Variants in OXCT1 observed in about 807,000 individuals in gnomAD.
The protein encoded by OXCT1 is 3-oxoacid CoA-transferase 1, also known as succinyl-CoA:3-ketoacid coenzyme A transferase 1, mitochondrial.
OXCT1 carries 27 observed loss-of-function variants against 69.6 expected under a neutral mutation model. That is an observed-to-expected ratio of 0.39 (90% CI 0.29 to 0.54). The LOEUF (loss-of-function observed/expected upper bound fraction) is 0.54. Ranked by LOEUF, OXCT1 falls within the 20% of genes least tolerant of loss-of-function variation. The probability of loss-of-function intolerance (pLI) is 0.72; values close to 1 mark genes in which losing one functional copy is unlikely to be tolerated. For missense variants in OXCT1, 437 were observed against 650.2 expected (o/e 0.67, Z 3.57); for synonymous variants, 202 against 217.8 (o/e 0.93, Z 0.64).
intron 1 of OXCT1, among the ~76,000 whole-genome samples, chr5:41,864,388 T>C (rs1483909383): frequency 2.0e-5 from 3 of 152,162 alleles, no homozygotes; most frequent in Admixed American, 6.5e-5. Flanking sequence ...CCTAAAAATA[T>C]GCCAGCACAC....
At chr5:41,738,283 T>G (rs1455319910) in intron 16 of OXCT1, among the ~76,000 whole-genome samples, 1 of 152,230 alleles carries the variant, frequency 6.6e-6, no homozygotes, top group African/African-American at 2.4e-5. Context: ...TGATATGGTT[T>G]GGCTGTGTCC....
At chr5:41,868,830 T>C (rs957489458) in intron 1 of OXCT1, among the ~76,000 whole-genome samples, 2 of 152,204 alleles carry the variant, frequency 1.3e-5, no homozygotes, top group Non-Finnish European at 2.9e-5. Context: ...GTTTGAACTC[T>C]GTATGAACTT....
At chr5:41,740,241 AAAG>A (rs1430756689) in intron 15 of OXCT1, among the ~76,000 whole-genome samples, 1 of 152,226 alleles carries the variant, frequency 6.6e-6, no homozygotes, top group Non-Finnish European at 1.5e-5. Context: ...GATATTGGGT[AAAG>A]AATTACAGGA....
chr5:41,817,603 C>T (rs1010556514), intron 7 of OXCT1, among the ~76,000 whole-genome samples: 1 of 152,188 alleles, frequency 6.6e-6, no homozygotes, highest in Non-Finnish European at 1.5e-5. Flanking sequence ...ATCTTCAATA[C>T]CCCTCTGTAC....
In OXCT1 at chr5:41,731,738, G is replaced by A. The variant is rs765332331; in HGVS notation, c.1554C>T (p.Ile518=). The A allele has an allele frequency of 8.7e-6, 14 of 1,609,026 alleles. No individual in the cohort carries two copies. Among genetic ancestry groups the A allele is most frequent in the Admixed American group, 8.4e-5 (5 of 59,532 alleles). ...VSPKLMPMQQ[I]AN The stretch of plus-strand genomic sequence containing the variant: ...TACAAATATCCATATTTCAATTTGC[G>A]ATCTGCTGCATTGGCATGAGTTTTG... The change falls in exon 17 of 17, where the codon ATC becomes ATT. Residue 518 remains isoleucine (I), a synonymous_variant. Transcript: ENST00000196371.
chr5:41,739,079 A>G (rs1168220339), intron 16 of OXCT1, among the ~76,000 whole-genome samples: 1 of 152,246 alleles, frequency 6.6e-6, no homozygotes, highest in Non-Finnish European at 1.5e-5. Flanking sequence ...ATATAACCAA[A>G]GAACAGGGGA....
intron 13 of OXCT1, among the ~76,000 whole-genome samples, chr5:41,779,157 G>C (rs979532139): frequency 2.6e-5 from 4 of 152,024 alleles, no homozygotes; most frequent in African/African-American, 9.7e-5. Flanking sequence ...CTCAAATATC[G>C]ATTTTTTTCT....
rs1393316448 is a variant in OXCT1 at position 41,730,700 on chromosome 5, A to T, written c.*1029T>A. On this transcript the variant is annotated 3_prime_UTR_variant, in exon 17 of 17. Transcript: ENST00000196371. ...ACCATGTTTATTCCCTGACACTAAA[A>T]GTTCACTGACTCTTCAAATCCTAGA... The T allele has an allele frequency of 6.6e-6, 1 of 152,174 alleles. No homozygotes were observed. Among genetic ancestry groups the T allele is most frequent in the African/African-American group, 2.4e-5 (1 of 41,444 alleles). The allele number at this position is 152,174 out of a possible 1,614,324, so 9.4% of individuals were successfully genotyped here.
chr5:41,759,102 A>AC (rs1405228164), intron 14 of OXCT1, among the ~76,000 whole-genome samples: 320 of 151,874 alleles, frequency 2.1e-3, no homozygotes, highest in African/African-American at 7.3e-3. Flanking sequence ...AAAAAAAAAA[A>AC]AAAAACCTGA....
intron 13 of OXCT1, among the ~76,000 whole-genome samples, chr5:41,791,226 G>A (rs968914282): frequency 1.3e-5 from 2 of 151,974 alleles, no homozygotes; most frequent in African/African-American, 4.8e-5. Context: ...AGTTATGAAA[G>A]CAACAAAAAA....
chr5:41,735,507 T>C (rs541170513), intron 16 of OXCT1, among the ~76,000 whole-genome samples: 15 of 152,360 alleles, frequency 9.8e-5, no homozygotes, highest in African/African-American at 3.6e-4. Flanking sequence ...ATCTGTTGTA[T>C]AACAATGTGA....
chr5:41,867,181 G>A (rs1271149828), intron 1 of OXCT1, among the ~76,000 whole-genome samples: 2 of 152,116 alleles, frequency 1.3e-5, no homozygotes, highest in African/African-American at 2.4e-5. Flanking sequence ...ATTCCATGAC[G>A]AAGGGACAGC....
At chr5:41,831,868 C>CT (rs1288277831) in intron 7 of OXCT1, among the ~76,000 whole-genome samples, 6 of 152,166 alleles carry the variant, frequency 3.9e-5, no homozygotes, top group Non-Finnish European at 8.8e-5. Flanking sequence ...ACACTGCAAT[C>CT]TTTACCTTTC....
At chr5:41,741,928 A>G (rs1033083059) in intron 15 of OXCT1, among the ~76,000 whole-genome samples, 1 of 152,230 alleles carries the variant, frequency 6.6e-6, no homozygotes, top group African/African-American at 2.4e-5. Flanking sequence ...TTTTAAAATG[A>G]ACACTTTCTT....
intron 8 of OXCT1, among the ~76,000 whole-genome samples, chr5:41,806,004 T>C (rs1427726986): frequency 6.6e-6 from 1 of 152,072 alleles, no homozygotes; most frequent in Non-Finnish European, 1.5e-5. Context: ...TGCTCAGGGA[T>C]TGGCCAGAAG....
intron 7 of OXCT1, among the ~76,000 whole-genome samples, chr5:41,813,237 A>G (rs969492688): frequency 6.6e-6 from 1 of 152,044 alleles, no homozygotes; most frequent in African/African-American, 2.4e-5. Flanking sequence ...CTAAGCACCT[A>G]CTAGATTTGG....
chr5:41,781,780 T>C (rs999759450), intron 13 of OXCT1, among the ~76,000 whole-genome samples: 2 of 152,216 alleles, frequency 1.3e-5, no homozygotes, highest in East Asian at 1.9e-4. Flanking sequence ...GCAAAGAACA[T>C]GATCTCGTTT....
chr5:41,812,959 C>T (rs1241582632), intron 7 of OXCT1, among the ~76,000 whole-genome samples: 2 of 151,956 alleles, frequency 1.3e-5, no homozygotes, highest in Non-Finnish European at 2.9e-5. Context: ...CAATCTACAA[C>T]AGTATTCTAA....
At chr5:41,792,834 C>T (rs1745986713) in intron 13 of OXCT1, among the ~76,000 whole-genome samples, 1 of 152,152 alleles carries the variant, frequency 6.6e-6, no homozygotes, top group African/African-American at 2.4e-5. Context: ...GGTTCTCAAA[C>T]CTGGTCACAT....
Sources: allele counts gnomAD v4.1 joint callset (sites outside exome capture counted in the v4.1 genomes callset), GRCh38; gene constraint gnomAD v4.1.1; transcripts MANE v1.5; gene names NCBI Gene and HGNC (gene_info 2026-07-23, HGNC 2026-07-21).